The following UNC5C variants were observed in gnomAD, a reference collection of about 807,000 sequenced individuals.
The protein encoded by UNC5C is unc-5 netrin receptor C, also known as netrin receptor UNC5C.
A neutral mutation model predicts 99.8 loss-of-function variants in UNC5C; 47 were observed. The ratio of observed to expected loss-of-function variants is 0.47; its 90% CI spans 0.37 to 0.60. UNC5C has a LOEUF of 0.60. Among genes scored for constraint, UNC5C ranks in the 20% least tolerant of loss-of-function variants. The probability of loss-of-function intolerance (pLI) is 0.00; values close to 1 mark genes in which losing one functional copy is unlikely to be tolerated. For missense variants in UNC5C, 1,062 were observed against 1,165.9 expected, an observed-to-expected ratio of 0.91 and a Z score of 1.30; for synonymous variants, 487 against 452.2, an observed-to-expected ratio of 1.08 and a Z score of -0.98.
Position 95,461,461 on chromosome 4 carries a change from C to CTTGTCTAAAATACAATTGTAA in UNC5C, c.124+87272_124+87273insTTACAATTGTATTTTAGACAA, listed in dbSNP as rs1332929647. Among the ~76,000 whole-genome samples the CTTGTCTAAAATACAATTGTAA allele has an allele frequency of 4.1e-5, 4 of 97,514 alleles. 1 individual carries two copies. Among genetic ancestry groups the CTTGTCTAAAATACAATTGTAA allele is most frequent in the African/African-American group, 2.0e-4 (4 of 19,710 alleles). 64.0% of individuals were successfully genotyped at this position (97,514 alleles called of 152,430 possible). On this transcript the variant is annotated intron_variant, in intron 1 of 15. Coordinates refer to ENST00000453304, the MANE Select transcript of UNC5C (RefSeq NM_003728.4). ...AAGTAAAATTATAAATTATTGTTGG[C>CTTGTCTAAAATACAATTGTAA]TTGTCTAAAATACAATTACAATCCA...
intron 1 of UNC5C, among the ~76,000 whole-genome samples, chr4:95,446,244 T>C (rs376566475): frequency 1.3e-5 from 2 of 151,524 alleles, no homozygotes; most frequent in African/African-American, 4.9e-5. Flanking sequence ...AGGCAAGCTG[T>C]AAAGACAGAG....
intron 1 of UNC5C, among the ~76,000 whole-genome samples, chr4:95,374,782 C>T (rs1046157847): frequency 3.9e-5 from 6 of 151,978 alleles, no homozygotes; most frequent in African/African-American, 1.5e-4. Context: ...CAGTCAGACT[C>T]CTTCTCAAGA....
In UNC5C at chr4:95,219,240, G is replaced by A. The variant is rs760273584; in HGVS notation, c.1374C>T (p.Asp458=). ...TGGTCATTGGGATTTTGTCTGAGAC[G>A]TCATGCAGGGCATAGACAGGTCCTC... ...MYRGPVYALH[D]VSDKIPMTNS... The change falls in exon 9 of 16, where the codon GAC becomes GAT. Residue 458 remains aspartate (D), a synonymous_variant. Coordinates refer to ENST00000453304, the MANE Select transcript of UNC5C (RefSeq NM_003728.4). The A allele has an allele frequency of 7.4e-6, 12 of 1,614,058 alleles. No homozygotes were observed. Among genetic ancestry groups the A allele is most frequent in the Middle Eastern group, 3.3e-4 (2 of 6,084 alleles).
chr4:95,402,502 C>T (rs1745728854), intron 1 of UNC5C, among the ~76,000 whole-genome samples: 2 of 152,150 alleles, frequency 1.3e-5, no homozygotes, highest in African/African-American at 4.8e-5. Flanking sequence ...ATAATGGTTC[C>T]CTCTGTTTCT....
At position 95,481,965 on chromosome 4, in the gene UNC5C, T is replaced by C. The variant is rs533006422; in HGVS notation, c.124+66769A>G. Reference sequence around the variant, plus strand: ...TAGGCATGGGCAAGGACTTCATGTATAAAACACCAAAAGCAATGGCAACAA... The same window carrying C: ...TAGGCATGGGCAAGGACTTCATGTACAAAACACCAAAAGCAATGGCAACAA... On this transcript the variant is annotated intron_variant, in intron 1 of 15. Coordinates refer to ENST00000453304, the MANE Select transcript of UNC5C (RefSeq NM_003728.4). Among the ~76,000 whole-genome samples, 394 of 152,116 alleles carry C rather than the reference T, an allele frequency of 2.6e-3. 4 individuals are homozygous for C. The East Asian group carries it at 0.058, about 22-fold the overall frequency.
intron 2 of UNC5C, among the ~76,000 whole-genome samples, chr4:95,334,118 A>T (rs1193458053): frequency 6.6e-6 from 1 of 152,054 alleles, no homozygotes; most frequent in African/African-American, 2.4e-5. Flanking sequence ...CATTTATGTT[A>T]TAAAGAATAT....
chr4:95,191,296 T>C (rs888305600), intron 12 of UNC5C, among the ~76,000 whole-genome samples: 1 of 152,182 alleles, frequency 6.6e-6, no homozygotes, highest in African/African-American at 2.4e-5. Flanking sequence ...CCATTAAGTA[T>C]CAGGCTTACA....
intron 1 of UNC5C, among the ~76,000 whole-genome samples, chr4:95,403,657 C>A (rs905037097): frequency 6.6e-6 from 1 of 152,186 alleles, no homozygotes; most frequent in Non-Finnish European, 1.5e-5. Context: ...TTCCCAAGTG[C>A]ATCTCCTCTG....
At chr4:95,445,637 A>T (rs2149465202) in intron 1 of UNC5C, among the ~76,000 whole-genome samples, 1 of 152,334 alleles carries the variant, frequency 6.6e-6, no homozygotes, top group Non-Finnish European at 1.5e-5. Flanking sequence ...GAAGGAAAGC[A>T]TTTAGAGGAG....
At chr4:95,356,459 C>A (rs1413052687) in intron 1 of UNC5C, among the ~76,000 whole-genome samples, 3 of 152,090 alleles carry the variant, frequency 2.0e-5, no homozygotes, top group Non-Finnish European at 4.4e-5. Context: ...GAACATTGAA[C>A]CATGAGTTCG....
intron 11 of UNC5C, among the ~76,000 whole-genome samples, chr4:95,205,120 G>A (rs3775049): frequency 0.4 from 61,135 of 151,924 alleles, 14,815 homozygotes; most frequent in Non-Finnish European, 0.54. Flanking sequence ...GAGTAACGAT[G>A]CCCACGTCCC....
At chr4:95,357,619 A>T (rs1190077813) in intron 1 of UNC5C, among the ~76,000 whole-genome samples, 1 of 151,978 alleles carries the variant, frequency 6.6e-6, no homozygotes, top group East Asian at 1.9e-4. Flanking sequence ...CTCTGTCTCT[A>T]CAAAAAATTA....
chr4:95,284,627 AT>A (rs1301389067), intron 3 of UNC5C, among the ~76,000 whole-genome samples: 2 of 152,090 alleles, frequency 1.3e-5, no homozygotes, highest in South Asian at 2.1e-4. Context: ...ATTTAAAAAA[AT>A]TAGCAAATTC....
At chr4:95,404,203 T>C (rs1745773763) in intron 1 of UNC5C, among the ~76,000 whole-genome samples, 1 of 152,196 alleles carries the variant, frequency 6.6e-6, no homozygotes, top group South Asian at 2.1e-4. Flanking sequence ...ATATCCCACA[T>C]TTCAGTTAGA....
At chr4:95,217,803 A>T (rs898247708) in intron 9 of UNC5C, among the ~76,000 whole-genome samples, 25 of 152,220 alleles carry the variant, frequency 1.6e-4, no homozygotes, top group African/African-American at 5.8e-4. Flanking sequence ...GTTTTGATTC[A>T]TTCAATAATG....
At chr4:95,455,206 A>C (rs1747394141) in intron 1 of UNC5C, among the ~76,000 whole-genome samples, 1 of 152,132 alleles carries the variant, frequency 6.6e-6, no homozygotes, top group Non-Finnish European at 1.5e-5. Context: ...AGTATCTTTC[A>C]AACATTGTAG....
At chr4:95,391,879 C>T (rs1380420508) in intron 1 of UNC5C, among the ~76,000 whole-genome samples, 1 of 151,942 alleles carries the variant, frequency 6.6e-6, no homozygotes, top group Non-Finnish European at 1.5e-5. Flanking sequence ...GAGTTTGAGA[C>T]CAGCCTGGGC....
At chr4:95,481,171 C>T (rs1232716890) in intron 1 of UNC5C, among the ~76,000 whole-genome samples, 1 of 151,996 alleles carries the variant, frequency 6.6e-6, no homozygotes, top group African/African-American at 2.4e-5. Flanking sequence ...TCTCAGGATA[C>T]AAAATCAATG....
At chr4:95,426,827 G>T (rs10004779) in intron 1 of UNC5C, among the ~76,000 whole-genome samples, 22,734 of 152,162 alleles carry the variant, frequency 0.15, 1,822 homozygotes, top group East Asian at 0.32. Context: ...GAAACTAGCA[G>T]ACATTCGTTC....
Sources: gnomAD v4.1 joint callset for allele counts (sites outside exome capture counted in the v4.1 genomes callset) on GRCh38, gnomAD v4.1.1 for gene constraint, MANE v1.5 for transcripts, NCBI Gene and HGNC (gene_info 2026-07-23, HGNC 2026-07-21) for gene names.